Variants in HEPACAM2 observed in about 807,000 individuals in gnomAD.
The protein encoded by HEPACAM2 is HEPACAM family member 2.
A neutral mutation model predicts 49.6 loss-of-function variants in HEPACAM2; 49 were observed. The ratio of observed to expected loss-of-function variants is 0.99; its 90% confidence interval spans 0.78 to 1.25. The LOEUF (loss-of-function observed/expected upper bound fraction) is 1.25, where lower values mean the gene tolerates loss of function less well. Among genes scored for constraint, HEPACAM2 ranks in the 50% most tolerant of loss-of-function variants. The pLI, the probability that HEPACAM2 is intolerant of heterozygous loss-of-function variation, is 0.00. For missense variants in HEPACAM2, 525 were observed against 557.2 expected, an observed-to-expected ratio of 0.94 and a Z score of 0.58; for synonymous variants, 197 against 202.9, an observed-to-expected ratio of 0.97 and a Z score of 0.25.
At chr7:93,189,638 A>G (rs1240222305) in intron 9 of HEPACAM2, among the ~76,000 whole-genome samples, 1 of 151,972 alleles carries the variant, frequency 6.6e-6, no homozygotes, top group Non-Finnish European at 1.5e-5. Flanking sequence ...CTAGAATATG[A>G]ACACAAACCA....
chr7:93,198,824 C>G (rs1295531693), intron 4 of HEPACAM2, among the ~76,000 whole-genome samples: 1 of 152,050 alleles, frequency 6.6e-6, no homozygotes, highest in Non-Finnish European at 1.5e-5. Context: ...ATCATAAAAT[C>G]TCTGCTGAGA....
At chr7:93,221,645 G>A (rs1170394961) in intron 1 of HEPACAM2, among the ~76,000 whole-genome samples, 1 of 152,136 alleles carries the variant, frequency 6.6e-6, no homozygotes, top group Admixed American at 6.5e-5. Context: ...TCCAAGAGGA[G>A]AAAACACCAA....
rs753794721 is a variant in HEPACAM2 at position 93,226,400 on chromosome 7, A to G, written c.47T>C (p.Val16Ala). The change falls in exon 1 of 10, where the codon GTC (valine) becomes GCC (alanine). Residue 16 changes from valine (V) to alanine (A), a missense_variant. Physicochemically the swap from Val to Ala is moderately conservative, Grantham distance 64. Coordinates refer to ENST00000394468, the MANE Select transcript of HEPACAM2 (RefSeq NM_001039372.4). ...AAGGAGGTATATTTTGCACTGAAAG[A>G]CCCCAAGTGTGTCACCGAAGGGCTC... ...FMEPFGDTLG[V>A]FQCKIYLLLF... 1 of 1,613,282 alleles carries G rather than the reference A, an allele frequency of 6.2e-7. No individual in the cohort carries two copies. The highest frequency in any genetic ancestry group is 8.5e-7 in the Non-Finnish European group (1 of 1,179,536).
Position 93,219,303 on chromosome 7 carries a change from C to T in HEPACAM2, c.228G>A (p.Met76Ile). ...IIWLFERPHT[M>I]PKYLLGSVNK... ...TCACAGAGCCCAGTAAGTATTTGGG[C>T]ATTGTGTGGGGTCTCTCAAATAGCC... Residue 76 changes from methionine (M) to isoleucine (I), a missense_variant, in exon 2 of 10, where the codon ATG becomes ATA. Physicochemically the swap from Met to Ile is conservative, Grantham distance 10 (BLOSUM62 1). Coordinates refer to ENST00000394468, the MANE Select transcript of HEPACAM2 (RefSeq NM_001039372.4). The T allele has an allele frequency of 1.2e-6, 2 of 1,613,974 alleles. No individual in the cohort carries two copies. The highest frequency in any genetic ancestry group is 1.7e-6 in the Non-Finnish European group (2 of 1,179,960).
intron 4 of HEPACAM2, among the ~76,000 whole-genome samples, chr7:93,204,822 A>C (rs1206809998): frequency 6.6e-6 from 1 of 152,100 alleles, no homozygotes; most frequent in Non-Finnish European, 1.5e-5. Flanking sequence ...GCTTTGGGTC[A>C]GGTGTGGTGG....
intron 1 of HEPACAM2, chr7:93,219,709 C>T (rs1173271141): frequency 3.8e-6 from 2 of 525,756 alleles, no homozygotes; most frequent in Non-Finnish European, 6.5e-6. Flanking sequence ...TCTACGATTG[C>T]TACGGAATAA....
At chr7:93,222,674 T>A (rs1794472387) in intron 1 of HEPACAM2, among the ~76,000 whole-genome samples, 1 of 152,138 alleles carries the variant, frequency 6.6e-6, no homozygotes, top group Admixed American at 6.5e-5. Flanking sequence ...CTTAAATAAG[T>A]CATTTTAATT....
Position 93,189,274 on chromosome 7 carries a change from G to A in HEPACAM2, c.1386-4C>T. 6.3e-7 allele frequency: 1 copy of A among 1,592,278 alleles called. No homozygotes were observed. Among genetic ancestry groups the A allele is most frequent in the Non-Finnish European group, 8.6e-7 (1 of 1,167,492 alleles). ...TGTTTAGCCCATGAAAGTTCACCTA[G>A]TGAAGAGATATACAAAATATGTAAA... On this transcript the variant is annotated splice_region_variant and splice_polypyrimidine_tract_variant and intron_variant, in intron 9 of 9. Coordinates refer to ENST00000394468, the MANE Select transcript of HEPACAM2 (RefSeq NM_001039372.4).
Position 93,192,351 on chromosome 7 carries a change from A to T in HEPACAM2, c.1288T>A (p.Ser430Thr). 3 of 1,611,522 alleles carry T rather than the reference A, an allele frequency of 1.9e-6. No individual in the cohort carries two copies. The East Asian group carries it at 6.7e-5, about 36-fold the overall frequency. Reference protein sequence around the residue: ...VSGVSRIPSRSVPASDCVSGQ... With the variant: ...VSGVSRIPSRTVPASDCVSGQ... ...GATACACAATCAGAGGCTGGAACAG[A>T]CCTGCTTGGGATCTAGAAAATGTGA... The change falls in exon 9 of 10, where the codon TCT becomes ACT. Residue 430 changes from serine (S) to threonine (T), a missense_variant. By Grantham distance (58) the Ser-to-Thr change is moderately conservative. Transcript: ENST00000394468.
intron 9 of HEPACAM2, 50 bp from the exon 10 acceptor site, chr7:93,189,320 G>A: frequency 1.4e-6 from 2 of 1,422,894 alleles, no homozygotes; most frequent in Non-Finnish European, 9.5e-7. Flanking sequence ...GATTTTTCAG[G>A]TCTGCAGGTA....
intron 8 of HEPACAM2, among the ~76,000 whole-genome samples, chr7:93,195,389 G>A (rs569373334): frequency 9.2e-5 from 14 of 152,020 alleles, no homozygotes; most frequent in African/African-American, 1.9e-4. Flanking sequence ...ACCATGCTTG[G>A]CTAATTTTTA....
chr7:93,213,809 T>C (rs554119297), intron 3 of HEPACAM2, among the ~76,000 whole-genome samples: 15 of 151,858 alleles, frequency 9.9e-5, no homozygotes, highest in African/African-American at 2.9e-4. Flanking sequence ...GGAGGTGAGA[T>C]AAGTGGAGGC....
chr7:93,209,059 G>A (rs150458668), intron 3 of HEPACAM2, among the ~76,000 whole-genome samples, 183 bp from the exon 4 acceptor site: 6 of 151,930 alleles, frequency 3.9e-5, no homozygotes, highest in Non-Finnish European at 5.9e-5. Flanking sequence ...TTCTGATATC[G>A]ATGAAAGTGA....
In HEPACAM2 at chr7:93,192,420, C is replaced by T. The variant is rs1022781559; in HGVS notation, c.1276-57G>A. ...TCTCAAGACTAGTAAATAGTTTTTC[C>T]ACTATGTTGCATAGTTGAAAACAAC... On this transcript the variant is annotated intron_variant, in intron 8 of 9. Transcript: ENST00000394468. 94 of 1,260,234 alleles carry T rather than the reference C, an allele frequency of 7.5e-5. 1 individual carries two copies. In the South Asian group the frequency reaches 1.1e-3, roughly 15 times the overall value. The allele number at this position is 1,260,234 out of a possible 1,614,324, so 78.1% of individuals were successfully genotyped here. A position where few individuals can be genotyped will look rare whatever the true frequency, so the allele number is the denominator to read the frequency against.
chr7:93,215,799 G>T, intron 2 of HEPACAM2, 114 bp from the exon 3 acceptor site: 1 of 1,022,624 alleles, frequency 9.8e-7, no homozygotes, highest in Non-Finnish European at 1.4e-6. Context: ...ATTTTACACT[G>T]TAAATGTAGA....
chr7:93,219,591 G>A (rs1011938743), intron 1 of HEPACAM2, 140 bp from the exon 2 acceptor site: 1 of 1,437,976 alleles, frequency 7.0e-7, no homozygotes, highest in Non-Finnish European at 9.2e-7. Context: ...TCTAGTACTG[G>A]TTACATATAG....
chr7:93,230,878 A>T (rs1325945345), upstream of HEPACAM2, among the ~76,000 whole-genome samples: 1 of 152,250 alleles, frequency 6.6e-6, no homozygotes, highest in African/African-American at 2.4e-5. Flanking sequence ...AAGTATGCAC[A>T]AGGTGGTTCT....
At chr7:93,224,747 C>T (rs1402497442) in intron 1 of HEPACAM2, among the ~76,000 whole-genome samples, 1 of 152,126 alleles carries the variant, frequency 6.6e-6, no homozygotes, top group African/African-American at 2.4e-5. Context: ...ATTTACTTCC[C>T]TGTTATCATG....
chr7:93,212,285 T>C (rs554184490), intron 3 of HEPACAM2, among the ~76,000 whole-genome samples: 181 of 152,130 alleles, frequency 1.2e-3, no homozygotes, highest in Non-Finnish European at 2.0e-3. Context: ...TACTTCCCCA[T>C]TTATTGGGTT....
Sources: gnomAD v4.1 joint callset for allele counts (sites outside exome capture counted in the v4.1 genomes callset) on GRCh38, gnomAD v4.1.1 for gene constraint, MANE v1.5 for transcripts, NCBI Gene and HGNC (gene_info 2026-07-23, HGNC 2026-07-21) for gene names.